Variants in MYLK observed in about 807,000 individuals in gnomAD.
MYLK encodes the protein myosin light chain kinase.
Under a neutral mutation model 203.4 loss-of-function variants are expected in MYLK, and 106 were observed. That is an observed-to-expected ratio of 0.52 (90% confidence interval 0.45 to 0.61). The LOEUF (loss-of-function observed/expected upper bound fraction) is 0.61, where lower values mean the gene tolerates loss of function less well. Ranked by LOEUF, MYLK falls within the 20% of genes least tolerant of loss-of-function variation. The pLI is 0.00. For missense variants in MYLK, 2,072 were observed against 2,442.3 expected, an observed-to-expected ratio of 0.85 and a Z score of 3.20; for synonymous variants, 867 against 959.5, an observed-to-expected ratio of 0.90 and a Z score of 1.78.
intron 4 of MYLK, among the ~76,000 whole-genome samples, chr3:123,755,610 G>A (rs151042480): frequency 1.6e-4 from 25 of 152,146 alleles, no homozygotes; most frequent in African/African-American, 3.1e-4. Context: ...AAATCAATCC[G>A]TTTTTACTGT....
At chr3:123,853,114 A>C (rs1048227242) in intron 2 of MYLK, among the ~76,000 whole-genome samples, 5 of 151,916 alleles carry the variant, frequency 3.3e-5, no homozygotes, top group African/African-American at 1.2e-4. Flanking sequence ...CAAGTCACCG[A>C]ATAACTCTAG....
At chr3:123,870,219 A>G (rs1353122358) in intron 2 of MYLK, among the ~76,000 whole-genome samples, 1 of 152,250 alleles carries the variant, frequency 6.6e-6, no homozygotes, top group Non-Finnish European at 1.5e-5. Context: ...GTAATTAGAA[A>G]GCAATGCCTC....
chr3:123,724,453 G>A (rs542898056), intron 12 of MYLK, among the ~76,000 whole-genome samples: 1 of 152,200 alleles, frequency 6.6e-6, no homozygotes, highest in African/African-American at 2.4e-5. Flanking sequence ...CCAGCCACAA[G>A]GAGGCTGCCT....
intron 4 of MYLK, among the ~76,000 whole-genome samples, chr3:123,791,650 C>T (rs922509010): frequency 1.3e-5 from 2 of 152,188 alleles, no homozygotes; most frequent in African/African-American, 4.8e-5. Flanking sequence ...GGTCAAGTAG[C>T]GCTGCAGTCT....
chr3:123,717,401 T>C (rs1310026521), intron 13 of MYLK, among the ~76,000 whole-genome samples: 2 of 152,240 alleles, frequency 1.3e-5, no homozygotes, highest in African/African-American at 4.8e-5. Flanking sequence ...TTATATTTTA[T>C]TATCTATTCT....
chr3:123,752,545 G>T lies in MYLK; in HGVS notation c.166-7C>A. On this transcript the variant is annotated splice_polypyrimidine_tract_variant and splice_region_variant and intron_variant, in intron 4 of 33. Coordinates refer to ENST00000360304, the MANE Select transcript of MYLK (RefSeq NM_053025.4). ...GCTCTGGGTAACCCCGGACCTTCAA[G>T]AAAAAGAAGAAAGGGTAAGAGCCTG... 6.2e-7 allele frequency: 1 copy of T among 1,609,274 alleles called. No individual in the cohort carries two copies. The highest frequency in any genetic ancestry group is 8.5e-7 in the Non-Finnish European group (1 of 1,178,196).
intron 5 of MYLK, among the ~76,000 whole-genome samples, chr3:123,746,939 G>A (rs2063036650): frequency 6.6e-6 from 1 of 152,148 alleles, no homozygotes; most frequent in South Asian, 2.1e-4. Flanking sequence ...TTAGATAAAG[G>A]AAGACAGTCC....
chr3:123,726,819 G>A (rs192506909), intron 11 of MYLK, among the ~76,000 whole-genome samples: 7 of 152,286 alleles, frequency 4.6e-5, no homozygotes, highest in Non-Finnish European at 1.0e-4. Context: ...AAGAGCAATA[G>A]GGATAATCTC....
At chr3:123,761,995 C>G (rs1172617512) in intron 4 of MYLK, among the ~76,000 whole-genome samples, 6 of 152,052 alleles carry the variant, frequency 3.9e-5, no homozygotes. Context: ...CCATTGCACA[C>G]CAGCGTGGGC....
chr3:123,827,576 GAAGAA>G (rs2066162367), intron 3 of MYLK, among the ~76,000 whole-genome samples: 1 of 150,256 alleles, frequency 6.7e-6, no homozygotes, highest in African/African-American at 2.4e-5. Flanking sequence ...CAGAAATGAA[GAAGAA>G]ATAAAATATT....
At chr3:123,623,616 G>GCTTCT (rs1485514360) in intron 31 of MYLK, 2 of 152,200 alleles carry the variant, frequency 1.3e-5, no homozygotes, top group Admixed American at 6.5e-5. Context: ...CTCTGGCACA[G>GCTTCT]CTGCAGAGAG....
intron 3 of MYLK, among the ~76,000 whole-genome samples, chr3:123,806,654 ATTAT>A (rs955163830): frequency 6.6e-6 from 1 of 151,984 alleles, no homozygotes; most frequent in African/African-American, 2.4e-5. Flanking sequence ...ATACTAAGAT[ATTAT>A]TTATTTATTT....
intron 13 of MYLK, among the ~76,000 whole-genome samples, chr3:123,718,381 G>A (rs528717504): frequency 6.6e-6 from 1 of 152,182 alleles, no homozygotes; most frequent in Non-Finnish European, 1.5e-5. Context: ...AGCTTACAGT[G>A]TGGAGAGGAA....
intron 13 of MYLK, among the ~76,000 whole-genome samples, chr3:123,713,682 C>G (rs1470391043): frequency 2.0e-5 from 3 of 151,522 alleles, no homozygotes; most frequent in Non-Finnish European, 2.9e-5. Context: ...TCTCTGGCCT[C>G]TAGCCTCTAT....
chr3:123,786,932 A>G (rs375316608), intron 4 of MYLK, among the ~76,000 whole-genome samples: 1 of 152,224 alleles, frequency 6.6e-6, no homozygotes, highest in East Asian at 1.9e-4. Context: ...GGCCACCTAT[A>G]TAGAGTAGAA....
chr3:123,650,800 G>A (rs547320774), intron 24 of MYLK, among the ~76,000 whole-genome samples: 70 of 152,316 alleles, frequency 4.6e-4, no homozygotes, highest in African/African-American at 1.7e-3. Flanking sequence ...AATGCAACTA[G>A]AAGCCAGGAA....
At chr3:123,793,163 G>GT (rs2064848617) in intron 4 of MYLK, among the ~76,000 whole-genome samples, 1 of 152,142 alleles carries the variant, frequency 6.6e-6, no homozygotes. Flanking sequence ...TGGAGTCCCA[G>GT]TAACGGCAAG....
intron 31 of MYLK, chr3:123,622,271 G>A (rs939441342): frequency 1.3e-5 from 2 of 152,252 alleles, no homozygotes; most frequent in Non-Finnish European, 2.9e-5. Flanking sequence ...TTCCCAACAA[G>A]GGACAGGTTA....
rs1224155381 is a variant in MYLK, at chr3:123,853,736, TATAA to T, written c.-126-22070_-126-22067del. Among the ~76,000 whole-genome samples the T allele has an allele frequency of 1.4e-4, 21 of 152,222 alleles. No individual in the cohort carries two copies. The South Asian group carries it at 3.5e-3, about 26-fold the overall frequency. On this transcript the variant is annotated intron_variant, in intron 2 of 33. Coordinates refer to ENST00000360304, the MANE Select transcript of MYLK (RefSeq NM_053025.4). ...AGATCATAGACTTCCAACCTGATGC[TATAA>T]ATAAGACAGAGAGCTTAGGATAAGG...
Sources: gnomAD v4.1 joint callset for allele counts (sites outside exome capture counted in the v4.1 genomes callset) on GRCh38, gnomAD v4.1.1 for gene constraint, MANE v1.5 for transcripts, NCBI Gene and HGNC (gene_info 2026-07-23, HGNC 2026-07-21) for gene names.